EIF3E: variants seen among roughly 807,000 people sequenced by gnomAD.
EIF3E encodes the protein eukaryotic translation initiation factor 3 subunit E.
Under a neutral mutation model 59.3 loss-of-function variants are expected in EIF3E, and 25 were observed. The observed-to-expected ratio is 0.42, with a 90% confidence interval of 0.31 to 0.59. The LOEUF (loss-of-function observed/expected upper bound fraction) is 0.59. EIF3E is among the 20% of genes least tolerant of loss of function. The pLI, the probability that EIF3E is intolerant of heterozygous loss-of-function variation, is 0.15. For missense variants in EIF3E, 317 were observed against 534.3 expected (o/e 0.59, Z 4.01); for synonymous variants, 176 against 170.2 (o/e 1.03, Z -0.26).
chr8:108,208,049 A>T (rs1338581063), intron 10 of EIF3E, among the ~76,000 whole-genome samples: 1 of 152,160 alleles, frequency 6.6e-6, no homozygotes, highest in Non-Finnish European at 1.5e-5. Flanking sequence ...TAAGGGTTGT[A>T]TCAACTCTAG....
intron 10 of EIF3E, among the ~76,000 whole-genome samples, 188 bp from the exon 11 acceptor site, chr8:108,203,691 G>A (rs1490081044): frequency 6.6e-6 from 1 of 151,996 alleles, no homozygotes; most frequent in African/African-American, 2.4e-5. Context: ...TACTATGCAC[G>A]ACCTATTCCA....
At chr8:108,204,746 T>TAG (rs1180256994) in intron 10 of EIF3E, among the ~76,000 whole-genome samples, 1,853 of 113,656 alleles carry the variant, frequency 0.016, 35 homozygotes, top group Middle Eastern at 0.047. Flanking sequence ...TATATATATA[T>TAG]AGAGAGAGAG....
rs568186375 is a variant in EIF3E, at chr8:108,239,879, T to C, written c.323+79A>G. 4.4e-6 allele frequency: 5 copies of C among 1,129,646 alleles called. No individual in the cohort carries two copies. The African/African-American group carries it at 4.6e-5, about 10-fold the overall frequency. 70.0% of individuals were successfully genotyped at this position (1,129,646 alleles called of 1,614,324 possible). ...TAAACCATGAACTTTTACTATGGGATACTGGATAAAGTTTGAATTAACATT... is the reference window on the plus strand; with the variant it reads ...TAAACCATGAACTTTTACTATGGGACACTGGATAAAGTTTGAATTAACATT... On this transcript the variant is annotated intron_variant, in intron 3 of 12. Coordinates refer to ENST00000220849, the MANE Select transcript of EIF3E (RefSeq NM_001568.3).
intron 7 of EIF3E, among the ~76,000 whole-genome samples, chr8:108,217,751 A>T (rs16877465): frequency 0.019 from 2,877 of 152,250 alleles, 103 homozygotes; most frequent in African/African-American, 0.066. Flanking sequence ...TGCAAGGTTC[A>T]TTGACATGCT....
At chr8:108,222,400 T>C (rs1815435222) in intron 7 of EIF3E, among the ~76,000 whole-genome samples, 1 of 152,146 alleles carries the variant, frequency 6.6e-6, no homozygotes, top group Non-Finnish European at 1.5e-5. Context: ...ATCCATCCTG[T>C]ATATAAACAT....
chr8:108,232,318 G>T (rs1364576915), intron 5 of EIF3E, among the ~76,000 whole-genome samples: 1 of 152,152 alleles, frequency 6.6e-6, no homozygotes, highest in Admixed American at 6.5e-5. Context: ...CGAATTGAAT[G>T]TAACTTTTTA....
chr8:108,223,363 G>C (rs763810514), intron 7 of EIF3E, among the ~76,000 whole-genome samples: 1 of 152,180 alleles, frequency 6.6e-6, no homozygotes, highest in Non-Finnish European at 1.5e-5. Context: ...TGAGGACCTT[G>C]GAGGTCATCC....
chr8:108,207,255 G>GATCA (rs1815118487), intron 10 of EIF3E, among the ~76,000 whole-genome samples: 6 of 152,098 alleles, frequency 3.9e-5, no homozygotes. Flanking sequence ...AGGACTGCTT[G>GATCA]AGCCCAGGAA....
chr8:108,233,767 A>G, intron 5 of EIF3E: 1 of 208,560 alleles, frequency 4.8e-6, no homozygotes, highest in Non-Finnish European at 1.0e-5. Context: ...TGAGCGCAAG[A>G]GTTCAAGGCT....
At chr8:108,229,290 A>C (rs2129897757) in intron 5 of EIF3E, 95 bp from the exon 6 acceptor site, 2 of 1,259,006 alleles carry the variant, frequency 1.6e-6, no homozygotes, top group Non-Finnish European at 2.2e-6. Context: ...AGCCTACTAA[A>C]AGACCTATAG....
At chr8:108,219,366 G>C (rs1815363579) in intron 7 of EIF3E, among the ~76,000 whole-genome samples, 1 of 152,122 alleles carries the variant, frequency 6.6e-6, no homozygotes, top group African/African-American at 2.4e-5. Flanking sequence ...TTGTGGGCAA[G>C]AGGCAAATTC....
chr8:108,216,354 T>C, intron 9 of EIF3E, 58 bp downstream of exon 9: 1 of 1,310,834 alleles, frequency 7.6e-7, no homozygotes, highest in Admixed American at 2.1e-5. Flanking sequence ...AAGATTAACG[T>C]TACAATATCC....
intron 1 of EIF3E, among the ~76,000 whole-genome samples, chr8:108,247,720 AACTC>A (rs747333203): frequency 6.6e-6 from 1 of 152,190 alleles, no homozygotes; most frequent in South Asian, 2.1e-4. Context: ...CCAGAAACAG[AACTC>A]ACTTATTTTT....
rs550767095 is a variant in EIF3E at position 108,235,621 on chromosome 8, C to T, written c.367-519G>A. ...AATTAATTATATGCAAAGCCTCATG[C>T]TTTGAGTTAACACAAGGGAAATAAG... On this transcript the variant is annotated intron_variant, in intron 4 of 12. Transcript: ENST00000220849. 2.6e-5 allele frequency among the ~76,000 whole-genome samples: 4 copies of T among 152,294 alleles called. No homozygotes were observed. In the South Asian group the frequency reaches 8.3e-4, roughly 32 times the overall value.
intron 7 of EIF3E, among the ~76,000 whole-genome samples, chr8:108,217,851 CTAA>C (rs1815332120): frequency 1.3e-5 from 2 of 152,078 alleles, no homozygotes; most frequent in Non-Finnish European, 2.9e-5. Flanking sequence ...AGCACTCATA[CTAA>C]TGAGAAAATC....
intron 1 of EIF3E, chr8:108,242,803 C>A (rs681963): frequency 0.58 from 209,920 of 362,290 alleles, 60,822 homozygotes; most frequent in African/African-American, 0.6. Context: ...AGGTTCTCAA[C>A]GTCATTAATC....
intron 4 of EIF3E, 75 bp from the exon 5 acceptor site, chr8:108,235,177 G>A: frequency 2.3e-6 from 2 of 884,026 alleles, no homozygotes; most frequent in South Asian, 2.4e-5. Context: ...ATAAGTCTTT[G>A]AGGTCAAAAC....
intron 6 of EIF3E, 133 bp downstream of exon 6, chr8:108,228,936 AT>A (rs749132167): frequency 3.9e-5 from 38 of 980,702 alleles, no homozygotes; most frequent in Non-Finnish European, 5.0e-5. Context: ...ATCCACTATG[AT>A]TTTTGTAAGG....
At chr8:108,246,607 C>A (rs533995628) in intron 1 of EIF3E, among the ~76,000 whole-genome samples, 1 of 152,092 alleles carries the variant, frequency 6.6e-6, no homozygotes, top group Non-Finnish European at 1.5e-5. Flanking sequence ...TCCACGTATA[C>A]ACAACTTTTT....
Sources: gnomAD v4.1 joint callset for allele counts (sites outside exome capture counted in the v4.1 genomes callset) on GRCh38, gnomAD v4.1.1 for gene constraint, MANE v1.5 for transcripts, NCBI Gene and HGNC (gene_info 2026-07-23, HGNC 2026-07-21) for gene names.